SGCZ: variants seen among roughly 807,000 people sequenced by gnomAD.
SGCZ encodes zeta-sarcoglycan.
A neutral mutation model predicts 41.3 loss-of-function variants in SGCZ; 40 were observed. That is an observed-to-expected ratio of 0.97 (90% CI 0.75 to 1.26). SGCZ has a LOEUF of 1.26. Among genes scored for constraint, SGCZ ranks in the 50% most tolerant of loss-of-function variants. The pLI, the probability that SGCZ is intolerant of heterozygous loss-of-function variation, is 0.00. For missense variants in SGCZ, 552 were observed against 369.8 expected (o/e 1.49, Z -4.04); for synonymous variants, 206 against 137.5 (o/e 1.50, Z -3.49).
chr8:14,430,448 A>G (rs1399666271), intron 2 of SGCZ, among the ~76,000 whole-genome samples: 1 of 152,212 alleles, frequency 6.6e-6, no homozygotes, highest in Non-Finnish European at 1.5e-5. Flanking sequence ...CAAAAATGAC[A>G]TGATCATGTC....
intron 1 of SGCZ, among the ~76,000 whole-genome samples, chr8:14,776,002 G>T (rs150812400): frequency 0.01 from 1,575 of 152,104 alleles, 7 homozygotes; most frequent in Middle Eastern, 0.017. Context: ...ACACAGAAAC[G>T]TCATCACATG....
At chr8:15,154,838 T>C (rs909745630) in intron 1 of SGCZ, among the ~76,000 whole-genome samples, 4 of 152,202 alleles carry the variant, frequency 2.6e-5, no homozygotes, top group African/African-American at 9.6e-5. Flanking sequence ...GTCCTTTTGA[T>C]GAACATGAGA....
intron 1 of SGCZ, among the ~76,000 whole-genome samples, chr8:14,867,759 C>T (rs116186032): frequency 0.024 from 3,585 of 151,984 alleles, 51 homozygotes; most frequent in Middle Eastern, 0.048. Flanking sequence ...ACTGGGGCCT[C>T]TTGGAGGGTG....
chr8:14,693,196 T>C (rs1002283128), intron 1 of SGCZ, among the ~76,000 whole-genome samples: 12 of 152,220 alleles, frequency 7.9e-5, no homozygotes, highest in Non-Finnish European at 1.3e-4. Flanking sequence ...ATATATGAAA[T>C]ATTCATTAAT....
At chr8:14,563,757 A>G (rs561801969) in intron 1 of SGCZ, among the ~76,000 whole-genome samples, 1 of 152,348 alleles carries the variant, frequency 6.6e-6, no homozygotes, top group South Asian at 2.1e-4. Flanking sequence ...AGGAAGTAAT[A>G]AAGTTAATTT....
chr8:14,785,701 G>A (rs1022844871), intron 1 of SGCZ, among the ~76,000 whole-genome samples: 1 of 152,132 alleles, frequency 6.6e-6, no homozygotes, highest in Admixed American at 6.5e-5. Context: ...CAGACCATTT[G>A]TTATTTTCTG....
At chr8:14,932,733 T>A (rs955111568) in intron 1 of SGCZ, among the ~76,000 whole-genome samples, 2 of 152,006 alleles carry the variant, frequency 1.3e-5, no homozygotes, top group East Asian at 1.9e-4. Context: ...TTTTAAAAAA[T>A]TAATAGTCTA....
At chr8:15,203,120 C>CAA (rs1463993654) in intron 1 of SGCZ, among the ~76,000 whole-genome samples, 1 of 150,662 alleles carries the variant, frequency 6.6e-6, no homozygotes, top group African/African-American at 2.4e-5. Flanking sequence ...AAAAAACAAA[C>CAA]AAACAAAAAA....
intron 2 of SGCZ, among the ~76,000 whole-genome samples, chr8:14,490,262 G>C (rs555346284): frequency 4.6e-5 from 7 of 152,202 alleles, no homozygotes; most frequent in African/African-American, 1.2e-4. Context: ...ATCACACTCA[G>C]CTTGATTACT....
intron 1 of SGCZ, among the ~76,000 whole-genome samples, chr8:14,563,820 A>C (rs1023627460): frequency 5.3e-5 from 8 of 152,218 alleles, no homozygotes; most frequent in African/African-American, 1.9e-4. Flanking sequence ...ATCACTAAGT[A>C]GTCAAAAGAT....
intron 1 of SGCZ, among the ~76,000 whole-genome samples, chr8:14,872,668 T>C (rs114314390): frequency 0.024 from 3,580 of 152,206 alleles, 52 homozygotes; most frequent in Middle Eastern, 0.045. Context: ...GCACCATAGA[T>C]CCTGCTGGGT....
intron 2 of SGCZ, among the ~76,000 whole-genome samples, chr8:14,341,325 T>A (rs1802696285): frequency 6.6e-6 from 1 of 152,188 alleles, no homozygotes; most frequent in Non-Finnish European, 1.5e-5. Flanking sequence ...AATTTTACAT[T>A]CAATATTTTG....
intron 1 of SGCZ, among the ~76,000 whole-genome samples, chr8:14,684,515 G>C (rs1449500460): frequency 2.6e-5 from 4 of 152,080 alleles, no homozygotes; most frequent in Non-Finnish European, 5.9e-5. Context: ...AAAGCTGCTG[G>C]AGTTTTGCTA....
At position 14,245,393 on chromosome 8, in the gene SGCZ, T is replaced by C. The variant is rs568820724; in HGVS notation, c.337-7714A>G. On this transcript the variant is annotated intron_variant, in intron 3 of 7. Coordinates refer to ENST00000382080, the MANE Select transcript of SGCZ (RefSeq NM_139167.4). Reference sequence around the variant, plus strand: ...GTGCTGGGAAAACTGGCTAGCCATATGTAGAAAGCTGAAACTGCATCCCTT... The same window carrying C: ...GTGCTGGGAAAACTGGCTAGCCATACGTAGAAAGCTGAAACTGCATCCCTT... 5.3e-5 allele frequency among the ~76,000 whole-genome samples: 8 copies of C among 152,258 alleles called. No homozygotes were observed. The East Asian group carries it at 7.7e-4, about 15-fold the overall frequency.
chr8:14,910,272 T>C (rs1041395419), intron 1 of SGCZ, among the ~76,000 whole-genome samples: 4 of 152,108 alleles, frequency 2.6e-5, no homozygotes, highest in Non-Finnish European at 5.9e-5. Context: ...TAATTTATAA[T>C]GATTTTCACC....
intron 1 of SGCZ, among the ~76,000 whole-genome samples, chr8:14,769,533 T>C (rs182334289): frequency 1.9e-3 from 291 of 152,260 alleles, no homozygotes; most frequent in Non-Finnish European, 3.2e-3. Context: ...GGCTCACGCC[T>C]GTAATCCCAG....
At chr8:14,262,082 T>A (rs1446122829) in intron 3 of SGCZ, among the ~76,000 whole-genome samples, 1 of 152,138 alleles carries the variant, frequency 6.6e-6, no homozygotes, top group African/African-American at 2.4e-5. Context: ...CTGTGACACA[T>A]TACTCCTTGC....
chr8:15,035,206 TGTTGAGGGAA>T (rs1376871236), intron 1 of SGCZ, among the ~76,000 whole-genome samples: 1 of 152,086 alleles, frequency 6.6e-6, no homozygotes. Context: ...AAATTTAAAA[TGTTGAGGGAA>T]GTTGAAGTAA....
chr8:14,928,802 T>G (rs1374698141), intron 1 of SGCZ, among the ~76,000 whole-genome samples: 1 of 152,134 alleles, frequency 6.6e-6, no homozygotes, highest in African/African-American at 2.4e-5. Context: ...GTATGTAATT[T>G]TTCTGGCAAT....
Sources: allele counts gnomAD v4.1 joint callset (sites outside exome capture counted in the v4.1 genomes callset), GRCh38; gene constraint gnomAD v4.1.1; transcripts MANE v1.5; gene names NCBI Gene and HGNC (gene_info 2026-07-23, HGNC 2026-07-21).